The following TRPC7 variants were observed in gnomAD, a reference collection of about 807,000 sequenced individuals.
TRPC7 encodes the protein transient receptor potential cation channel subfamily C member 7.
A neutral mutation model predicts 90.1 loss-of-function variants in TRPC7; 42 were observed. The ratio of observed to expected loss-of-function variants is 0.47; its 90% CI spans 0.36 to 0.60. The LOEUF is 0.60. Among genes scored for constraint, TRPC7 ranks in the 20% least tolerant of loss-of-function variants. The probability of loss-of-function intolerance (pLI) is 0.00; values close to 1 mark genes in which losing one functional copy is unlikely to be tolerated. For missense variants in TRPC7, 955 were observed against 1,112.3 expected (o/e 0.86, Z 2.01); for synonymous variants, 451 against 436.3 (o/e 1.03, Z -0.42).
At chr5:136,291,145 T>G (rs1757932335) in intron 3 of TRPC7, among the ~76,000 whole-genome samples, 1 of 152,156 alleles carries the variant, frequency 6.6e-6, no homozygotes, top group Non-Finnish European at 1.5e-5. Flanking sequence ...AAAGAAGCTC[T>G]AAACATGGAA....
intron 7 of TRPC7, among the ~76,000 whole-genome samples, chr5:136,237,052 A>C (rs2149799538): frequency 6.6e-6 from 1 of 152,306 alleles, no homozygotes; most frequent in Admixed American, 6.5e-5. Context: ...TTTAGAATGG[A>C]TAAAGATCTT....
chr5:136,346,896 A>G (rs1760024981), intron 2 of TRPC7, among the ~76,000 whole-genome samples: 2 of 152,200 alleles, frequency 1.3e-5, no homozygotes, highest in Admixed American at 1.3e-4. Flanking sequence ...ATTTGGAAAT[A>G]GGATATTTGC....
At chr5:136,308,545 A>T (rs1241054458) in intron 3 of TRPC7, among the ~76,000 whole-genome samples, 2 of 152,204 alleles carry the variant, frequency 1.3e-5, no homozygotes, top group Non-Finnish European at 2.9e-5. Flanking sequence ...CATCCTCTAG[A>T]AAGCCCTGAT....
intron 7 of TRPC7, among the ~76,000 whole-genome samples, chr5:136,238,335 C>T (rs939136565): frequency 2.6e-5 from 4 of 152,192 alleles, no homozygotes; most frequent in African/African-American, 7.2e-5. Flanking sequence ...TGACCTCCTT[C>T]GTCACTCTGT....
chr5:136,220,605 C>T (rs539549127), intron 10 of TRPC7, among the ~76,000 whole-genome samples: 29 of 152,332 alleles, frequency 1.9e-4, no homozygotes, highest in Admixed American at 6.5e-4. Flanking sequence ...CAAGACAATA[C>T]GTGCACAGGT....
At chr5:136,362,161 C>T (rs1199362159) in intron 1 of TRPC7, among the ~76,000 whole-genome samples, 2 of 152,038 alleles carry the variant, frequency 1.3e-5, no homozygotes, top group East Asian at 1.9e-4. Context: ...AGACACTGTC[C>T]TAAGTGCTTT....
At chr5:136,297,072 G>A (rs1340345858) in intron 3 of TRPC7, among the ~76,000 whole-genome samples, 1 of 152,128 alleles carries the variant, frequency 6.6e-6, no homozygotes, top group Non-Finnish European at 1.5e-5. Context: ...CCTCTTTCTG[G>A]AATGTCTTTG....
chr5:136,223,981 G>T (rs1755546398), intron 10 of TRPC7, among the ~76,000 whole-genome samples: 1 of 152,204 alleles, frequency 6.6e-6, no homozygotes, highest in South Asian at 2.1e-4. Flanking sequence ...AGAACTATAA[G>T]CTCTTTGAGG....
rs1196382805 is a variant in TRPC7 at position 136,335,851 on chromosome 5, C to A, written c.781-20072G>T. On this transcript the variant is annotated intron_variant, in intron 2 of 11. Transcript: ENST00000513104. Reference sequence around the variant, plus strand: ...CCCGGGAGGCGGAGCTTGCAGTGAGCCAAGATCACGCCACTGCACTCCAGC... The same window carrying A: ...CCCGGGAGGCGGAGCTTGCAGTGAGACAAGATCACGCCACTGCACTCCAGC... Among the ~76,000 whole-genome samples the A allele has an allele frequency of 7.2e-5, 10 of 138,752 alleles. No homozygotes were observed. The Admixed American group carries it at 8.4e-4, about 12-fold the overall frequency. 91.0% of individuals were successfully genotyped at this position (138,752 alleles called of 152,430 possible).
chr5:136,304,055 C>A (rs541758335), intron 3 of TRPC7, among the ~76,000 whole-genome samples: 2 of 149,500 alleles, frequency 1.3e-5, no homozygotes, highest in South Asian at 4.2e-4. Flanking sequence ...TCCCCACCTG[C>A]CCAGTTCCCT....
At chr5:136,227,993 T>C (rs1755684306) in intron 8 of TRPC7, among the ~76,000 whole-genome samples, 1 of 152,172 alleles carries the variant, frequency 6.6e-6, no homozygotes, top group African/African-American at 2.4e-5. Context: ...GAGCACCTGC[T>C]ATGTACTTGG....
At chr5:136,249,350 T>G (rs910265317) in intron 6 of TRPC7, among the ~76,000 whole-genome samples, 2 of 152,214 alleles carry the variant, frequency 1.3e-5, no homozygotes, top group African/African-American at 4.8e-5. Flanking sequence ...CTAAATTGCA[T>G]TTGGAAATAT....
intron 3 of TRPC7, among the ~76,000 whole-genome samples, chr5:136,307,933 C>T (rs920200164): frequency 6.6e-6 from 1 of 152,160 alleles, no homozygotes. Flanking sequence ...TTATTAGACA[C>T]TGTAATTTGT....
chr5:136,264,444 TG>T (rs1163817617), intron 5 of TRPC7, among the ~76,000 whole-genome samples: 1 of 152,180 alleles, frequency 6.6e-6, no homozygotes, highest in Non-Finnish European at 1.5e-5. Flanking sequence ...AGTTAAACAA[TG>T]GCGTATGTAC....
At chr5:136,323,571 A>G (rs948397437) in intron 2 of TRPC7, among the ~76,000 whole-genome samples, 2 of 152,182 alleles carry the variant, frequency 1.3e-5, no homozygotes, top group Non-Finnish European at 2.9e-5. Flanking sequence ...CATTTGTTCC[A>G]GCCCCATTTG....
chr5:136,288,225 A>G (rs1757797486), intron 3 of TRPC7, among the ~76,000 whole-genome samples: 1 of 152,130 alleles, frequency 6.6e-6, no homozygotes, highest in African/African-American at 2.4e-5. Flanking sequence ...ACCAAGCAGC[A>G]GTTAATATGT....
intron 5 of TRPC7, among the ~76,000 whole-genome samples, chr5:136,259,549 G>A (rs1306350640): frequency 6.6e-6 from 1 of 152,220 alleles, no homozygotes; most frequent in Admixed American, 6.5e-5. Flanking sequence ...TAGCTTCCAA[G>A]CTTCTGACCG....
intron 10 of TRPC7, among the ~76,000 whole-genome samples, chr5:136,219,937 G>A (rs766098941): frequency 1.8e-4 from 27 of 152,226 alleles, no homozygotes; most frequent in Non-Finnish European, 2.9e-4. Flanking sequence ...ATATTGTTGC[G>A]GGAAGTCAGG....
intron 10 of TRPC7, among the ~76,000 whole-genome samples, chr5:136,216,820 C>CCAGAAG (rs1755284314): frequency 6.6e-6 from 1 of 152,168 alleles, no homozygotes; most frequent in Non-Finnish European, 1.5e-5. Flanking sequence ...AAAATTCCTA[C>CCAGAAG]CAGAAGCAGA....
Sources: gnomAD v4.1 joint callset for allele counts (sites outside exome capture counted in the v4.1 genomes callset) on GRCh38, gnomAD v4.1.1 for gene constraint, MANE v1.5 for transcripts, NCBI Gene and HGNC (gene_info 2026-07-23, HGNC 2026-07-21) for gene names.